AGRN: variants seen among roughly 807,000 people sequenced by gnomAD.
AGRN encodes the protein agrin proteoglycan.
A neutral mutation model predicts 211.0 loss-of-function variants in AGRN; 106 were observed. The ratio of observed to expected loss-of-function variants is 0.50; its 90% confidence interval spans 0.43 to 0.59. AGRN has a LOEUF of 0.59. AGRN is among the 20% of genes least tolerant of loss of function. The pLI is 0.00. For missense variants in AGRN, 3,040 were observed against 2,982.6 expected (o/e 1.02, Z -0.45); for synonymous variants, 1,525 against 1,332.5 (o/e 1.14, Z -3.15).
rs762485932 is a variant in AGRN, at chr1:1,031,801, C to T, written c.464-3476C>T. ...CTCCTGCAGAGCCCGCCCAGAGATC[C>T]CATGGCTGAAGGTGGTGGCAGCAGG... On this transcript the variant is annotated intron_variant, in intron 2 of 35. Transcript: ENST00000379370. The surrounding 1 kb of genome is among the most constrained non-coding windows in gnomAD (Gnocchi z 4.8). Among the ~76,000 whole-genome samples, 1 of 152,230 alleles carries T rather than the reference C, an allele frequency of 6.6e-6. No homozygotes were observed. Among genetic ancestry groups the T allele is most frequent in the Non-Finnish European group, 1.5e-5 (1 of 68,024 alleles).
chr1:1,039,414 G>GGGT (rs1553174282), intron 3 of AGRN, among the ~76,000 whole-genome samples: 1 of 151,698 alleles, frequency 6.6e-6, no homozygotes, highest in Non-Finnish European at 1.5e-5. Flanking sequence ...TTGGAGATGG[G>GGGT]GGGGGTTCCT....
At chr1:1,023,144 G>A (rs1644446877) in intron 2 of AGRN, among the ~76,000 whole-genome samples, 1 of 152,200 alleles carries the variant, frequency 6.6e-6, no homozygotes, top group African/African-American at 2.4e-5. Context: ...CCTCATGGCT[G>A]CCTGGGAAGG....
intron 33 of AGRN, 33 bp from the exon 34 acceptor site, chr1:1,053,720 C>T (rs1464084973): frequency 4.6e-6 from 7 of 1,531,826 alleles, no homozygotes; most frequent in East Asian, 2.4e-5. Context: ...TTGCCACCTT[C>T]CTAGAGGCCC....
At position 1,035,334 on chromosome 1, in the gene AGRN, G is replaced by C; in HGVS notation, c.511+10G>C. On this transcript the variant is annotated intron_variant, in intron 3 of 35. Coordinates refer to ENST00000379370, the MANE Select transcript of AGRN (RefSeq NM_198576.4). ...CCGACGCCTCCTGATGGTGAGTAGG[G>C]CTGAGTTCGGGGGACCTGGATGGGC... is the stretch of plus-strand genomic sequence containing the variant. 6.2e-7 allele frequency: 1 copy of C among 1,613,062 alleles called. No individual in the cohort carries two copies. Among genetic ancestry groups the C allele is most frequent in the Non-Finnish European group, 8.5e-7 (1 of 1,179,986 alleles).
In AGRN at chr1:1,031,670, G is replaced by A. The variant is rs1320777003; in HGVS notation, c.464-3607G>A. Among the ~76,000 whole-genome samples the A allele has an allele frequency of 6.6e-6, 1 of 152,176 alleles. No homozygotes were observed. Among genetic ancestry groups the A allele is most frequent in the Non-Finnish European group, 1.5e-5 (1 of 68,010 alleles). On this transcript the variant is annotated intron_variant, in intron 2 of 35. Coordinates refer to ENST00000379370, the MANE Select transcript of AGRN (RefSeq NM_198576.4). This position sits in a 1 kb window ranked among gnomAD's most constrained non-coding sequence, Gnocchi z 4.8. ...GGGCCCCCTTTGCTGGCAGATCCCA[G>A]GGTCTCTCTGTGTGGGGGCAAACTT... is the stretch of plus-strand genomic sequence containing the variant.
chr1:1,024,115 C>G (rs1333459623), intron 2 of AGRN, among the ~76,000 whole-genome samples: 1 of 151,960 alleles, frequency 6.6e-6, no homozygotes, highest in African/African-American at 2.4e-5. Context: ...GTGGGGGAGC[C>G]CAGGAGCTTC....
rs746454531 is a variant in AGRN at position 1,046,728 on chromosome 1, C to G, written c.3243C>G (p.Gly1081=). The part of the protein sequence containing the change: ...LSGDQEASGG[G]SGGLEPLEGS... ...GGGACCAGGAGGCCAGTGGGGGTGG[C>G]TCTGGGGGTGAGCAGGGATCAAGGA... Residue 1081 remains glycine, a synonymous_variant, in exon 18 of 36, where the codon GGC becomes GGG. Coordinates refer to ENST00000379370, the MANE Select transcript of AGRN (RefSeq NM_198576.4). 2.5e-6 allele frequency: 4 copies of G among 1,581,076 alleles called. No homozygotes were observed. Among genetic ancestry groups the G allele is most frequent in the Non-Finnish European group, 3.4e-6 (4 of 1,169,688 alleles).
Position 1,054,917 on chromosome 1 carries a change from A to T in AGRN, c.6074A>T (p.His2025Leu). ...GCLRDVVVGR[H>L]PLHLLEDAVT... ...TTGCGGGACGTGGTGGTGGGCCGGC[A>T]CCCGCTGCACCTGCTGGAGGACGCC... Residue 2025 changes from histidine to leucine, a missense_variant, in exon 36 of 36, where the codon CAC (histidine) becomes CTC (leucine). Transcript: ENST00000379370. 1.3e-6 allele frequency: 2 copies of T among 1,548,352 alleles called. No individual in the cohort carries two copies. The highest frequency in any genetic ancestry group is 1.7e-6 in the Non-Finnish European group (2 of 1,147,120).
chr1:1,035,137 C>T, intron 2 of AGRN, 140 bp from the exon 3 acceptor site: 2 of 991,774 alleles, frequency 2.0e-6, no homozygotes, highest in African/African-American at 1.7e-5. Flanking sequence ...AGGGCTGGAC[C>T]CTTCAGCAGC....
At chr1:1,037,792 G>C (rs570636169) in intron 3 of AGRN, among the ~76,000 whole-genome samples, 1 of 152,234 alleles carries the variant, frequency 6.6e-6, no homozygotes, top group African/African-American at 2.4e-5. Context: ...GTGTGGCCTT[G>C]TCAGGTGGCC....
At chr1:1,035,014 T>A (rs1644767485) in intron 2 of AGRN, 2 of 585,114 alleles carry the variant, frequency 3.4e-6, no homozygotes, top group East Asian at 2.8e-5. Context: ...GGGTCCTGCC[T>A]GCACCCCTGT....
In AGRN at chr1:1,040,873, G is replaced by T; in HGVS notation, c.720G>T (p.Gly240=). 6.6e-7 allele frequency: 1 copy of T among 1,516,462 alleles called. No homozygotes were observed. Among genetic ancestry groups the T allele is most frequent in the South Asian group, 1.2e-5 (1 of 82,206 alleles). 93.9% of individuals were successfully genotyped at this position (1,516,462 alleles called of 1,614,324 possible). Residue 240 remains glycine (G), a synonymous_variant, in exon 4 of 36, where the codon GGG becomes GGT. Coordinates refer to ENST00000379370, the MANE Select transcript of AGRN (RefSeq NM_198576.4). ...GCCGCATCCGCCTGCTCAGCCGCGGGCCGTGCGGTGAGCGGGGCGGGGCCG... is the reference window on the plus strand; with the variant it reads ...GCCGCATCCGCCTGCTCAGCCGCGGTCCGTGCGGTGAGCGGGGCGGGGCCG... The part of the protein sequence containing the change: ...QQRRIRLLSR[G]PCGSRDPCSN...
chr1:1,040,577 G>A, intron 3 of AGRN, 88 bp from the exon 4 acceptor site: 2 of 1,469,744 alleles, frequency 1.4e-6, no homozygotes, highest in Non-Finnish European at 9.2e-7. Context: ...GTGAATGCGC[G>A]GGCTGCGAGC....
chr1:1,051,916 C>T (rs1182824770), intron 33 of AGRN, 101 bp downstream of exon 33: 2 of 1,548,786 alleles, frequency 1.3e-6, no homozygotes, highest in Non-Finnish European at 8.7e-7. Flanking sequence ...CGGCCCGGTG[C>T]TGCCACCTCT....
intron 2 of AGRN, among the ~76,000 whole-genome samples, chr1:1,025,190 AG>A (rs1644492994): frequency 1.3e-5 from 2 of 152,034 alleles, no homozygotes; most frequent in Non-Finnish European, 2.9e-5. Context: ...GCACAGGGAC[AG>A]GGCAGGGGGC....
Position 1,048,390 on chromosome 1 carries a change from G to A in AGRN, c.4105+25G>A, listed in dbSNP as rs114691276. ...GGTAAGGATGTCCACTGCAGAGGAG[G>A]GCGGGGAGGCAGCAGGGTGGGGGCA... On this transcript the variant is annotated intron_variant, in intron 23 of 35. Coordinates refer to ENST00000379370, the MANE Select transcript of AGRN (RefSeq NM_198576.4). The surrounding 1 kb of genome is among the most constrained non-coding windows in gnomAD (Gnocchi z 5.9). 3,651 of 1,416,250 alleles carry A rather than the reference G, an allele frequency of 2.6e-3. 83 individuals are homozygous for A. The African/African-American group carries it at 0.045, about 17-fold the overall frequency. The allele number at this position is 1,416,250 out of a possible 1,614,324, so 87.7% of individuals were successfully genotyped here.
At chr1:1,051,969 ACTGT>A (rs1031215070) in intron 33 of AGRN, 154 bp downstream of exon 33, 14 of 1,546,586 alleles carry the variant, frequency 9.1e-6, no homozygotes, top group South Asian at 2.4e-5. Flanking sequence ...CCCGCCTCTC[ACTGT>A]CTGTCTCTTT....
intron 12 of AGRN, 119 bp from the exon 13 acceptor site, chr1:1,045,041 TG>T: frequency 8.9e-7 from 1 of 1,121,856 alleles, no homozygotes. Flanking sequence ...CGGGCTCCTC[TG>T]GGAGCTGGGA....
chr1:1,024,192 G>A (rs772646684), intron 2 of AGRN, among the ~76,000 whole-genome samples: 1 of 152,092 alleles, frequency 6.6e-6, no homozygotes, highest in East Asian at 1.9e-4. Context: ...GGGGTCCCTG[G>A]CTGCCGGGAC....
Sources: allele counts gnomAD v4.1 joint callset (sites outside exome capture counted in the v4.1 genomes callset), GRCh38; gene constraint gnomAD v4.1.1; non-coding constraint Gnocchi (gnomAD v3.1); transcripts MANE v1.5; gene names NCBI Gene and HGNC (gene_info 2026-07-23, HGNC 2026-07-21).